The following MDGA2 variants were observed in gnomAD, a reference collection of about 807,000 sequenced individuals.
MDGA2 encodes MAM domain containing glycosylphosphatidylinositol anchor 2, also known as MAM domain-containing glycosylphosphatidylinositol anchor protein 2.
In MDGA2, 40 loss-of-function variants were observed where a neutral mutation model predicts 117.8. The observed-to-expected ratio is 0.34, with a 90% confidence interval of 0.26 to 0.44. The LOEUF (loss-of-function observed/expected upper bound fraction) is 0.44. MDGA2 is among the 20% of genes least tolerant of loss of function. MDGA2 has a pLI of 1.00. For synonymous variants in MDGA2, 452 were observed against 439.0 expected (o/e 1.03, Z -0.37); for missense variants, 1,123 against 1,250.6 (o/e 0.90, Z 1.54).
At chr14:47,672,338 A>AATC (rs1295064636) in intron 1 of MDGA2, among the ~76,000 whole-genome samples, 3 of 152,232 alleles carry the variant, frequency 2.0e-5, no homozygotes, top group African/African-American at 7.2e-5. Flanking sequence ...CTTTCATTAC[A>AATC]ATCATCAGCT....
At chr14:47,252,396 C>T (rs750592287) in intron 2 of MDGA2, among the ~76,000 whole-genome samples, 1 of 152,082 alleles carries the variant, frequency 6.6e-6, no homozygotes, top group Non-Finnish European at 1.5e-5. Context: ...AATACACACA[C>T]AAGTCCCTTC....
intron 3 of MDGA2, among the ~76,000 whole-genome samples, chr14:47,183,199 C>T (rs1426967999): frequency 1.3e-5 from 2 of 152,108 alleles, no homozygotes; most frequent in East Asian, 3.9e-4. Flanking sequence ...ACATCTACAT[C>T]AGCCTTGATG....
intron 3 of MDGA2, among the ~76,000 whole-genome samples, chr14:47,160,079 A>C (rs1883569548): frequency 6.6e-6 from 1 of 152,118 alleles, no homozygotes; most frequent in Middle Eastern, 3.2e-3. Context: ...TTTTCTTTTG[A>C]TGGAGATATA....
intron 1 of MDGA2, among the ~76,000 whole-genome samples, chr14:47,600,110 T>G (rs1010979803): frequency 6.6e-6 from 1 of 152,006 alleles, no homozygotes; most frequent in South Asian, 2.1e-4. Context: ...TAATATTGCA[T>G]ATGGGCCAGG....
At chr14:47,040,554 C>T (rs910327275) in intron 7 of MDGA2, among the ~76,000 whole-genome samples, 6 of 152,148 alleles carry the variant, frequency 3.9e-5, no homozygotes, top group Non-Finnish European at 8.8e-5. Flanking sequence ...AAATCACTAA[C>T]TCCTGTTAAC....
intron 1 of MDGA2, among the ~76,000 whole-genome samples, chr14:47,616,774 G>A (rs369627052): frequency 6.6e-6 from 1 of 152,184 alleles, no homozygotes; most frequent in East Asian, 1.9e-4. Flanking sequence ...TATATAAAAT[G>A]TTCACAAGAT....
chr14:46,976,387 G>GA (rs1369844708), intron 8 of MDGA2, among the ~76,000 whole-genome samples: 1 of 151,900 alleles, frequency 6.6e-6, no homozygotes, highest in East Asian at 1.9e-4. Context: ...AAATAGAACT[G>GA]AAAAAGGACA....
chr14:47,107,616 C>T (rs1372933855), intron 5 of MDGA2, among the ~76,000 whole-genome samples: 3 of 151,562 alleles, frequency 2.0e-5, no homozygotes, highest in African/African-American at 4.9e-5. Context: ...TTACCTATCT[C>T]GGCATAATTC....
intron 1 of MDGA2, among the ~76,000 whole-genome samples, chr14:47,420,022 T>A (rs1026830010): frequency 6.6e-6 from 1 of 152,148 alleles, no homozygotes; most frequent in South Asian, 2.1e-4. Flanking sequence ...AAAACGATTG[T>A]CAACTTTATA....
intron 1 of MDGA2, among the ~76,000 whole-genome samples, chr14:47,304,957 G>A (rs1889396111): frequency 1.3e-5 from 2 of 152,050 alleles, no homozygotes; most frequent in Non-Finnish European, 2.9e-5. Flanking sequence ...TTTCTTCCAT[G>A]AGGTATGTAT....
chr14:47,555,875 C>A (rs916797710), intron 1 of MDGA2, among the ~76,000 whole-genome samples: 5 of 152,168 alleles, frequency 3.3e-5, no homozygotes, highest in African/African-American at 1.2e-4. Flanking sequence ...TGCTTGTAAA[C>A]CCTAAGAAAG....
intron 1 of MDGA2, among the ~76,000 whole-genome samples, chr14:47,495,425 G>A (rs1004771404): frequency 3.3e-5 from 5 of 151,620 alleles, no homozygotes; most frequent in Admixed American, 6.6e-5. Context: ...AAAAATAAAA[G>A]AAAGAAATTT....
intron 11 of MDGA2, among the ~76,000 whole-genome samples, chr14:46,879,390 G>A (rs1882358219): frequency 6.6e-6 from 1 of 152,034 alleles, no homozygotes; most frequent in Non-Finnish European, 1.5e-5. Flanking sequence ...TTTTGTTATG[G>A]CAGCCCAAAC....
chr14:46,953,164 C>T (rs1229596933), intron 9 of MDGA2, among the ~76,000 whole-genome samples: 1 of 151,478 alleles, frequency 6.6e-6, no homozygotes, highest in Admixed American at 6.6e-5. Flanking sequence ...AATCTTGTAC[C>T]TCACACTTAG....
chr14:47,548,315 C>A (rs1419777274), intron 1 of MDGA2, among the ~76,000 whole-genome samples: 1 of 151,918 alleles, frequency 6.6e-6, no homozygotes, highest in East Asian at 1.9e-4. Flanking sequence ...TTTTTTTAAA[C>A]CTCTGTATGA....
intron 10 of MDGA2, among the ~76,000 whole-genome samples, chr14:46,913,099 T>A (rs1393989987): frequency 6.6e-6 from 1 of 152,116 alleles, no homozygotes; most frequent in Non-Finnish European, 1.5e-5. Context: ...AAGGTCACTA[T>A]CTTTTTCAAA....
chr14:47,539,488 T>C (rs1171556169), intron 1 of MDGA2, among the ~76,000 whole-genome samples: 3 of 152,166 alleles, frequency 2.0e-5, no homozygotes, highest in Non-Finnish European at 2.9e-5. Flanking sequence ...AGGCAGTGAA[T>C]AGATACCCAG....
At chr14:47,527,991 A>G (rs777273745) in intron 1 of MDGA2, among the ~76,000 whole-genome samples, 80 of 152,242 alleles carry the variant, frequency 5.3e-4, no homozygotes, top group Non-Finnish European at 8.4e-4. Flanking sequence ...GCAAAAACAG[A>G]AAATGCTGGC....
intron 1 of MDGA2, among the ~76,000 whole-genome samples, chr14:47,661,510 A>G (rs1897844929): frequency 1.3e-5 from 2 of 152,214 alleles, no homozygotes; most frequent in South Asian, 4.1e-4. Flanking sequence ...TAGAATCCAG[A>G]CATGAATATA....
Sources: allele counts gnomAD v4.1 joint callset (sites outside exome capture counted in the v4.1 genomes callset), GRCh38; gene constraint gnomAD v4.1.1; transcripts MANE v1.5; gene names NCBI Gene and HGNC (gene_info 2026-07-23, HGNC 2026-07-21).